Variants in MAMDC2 observed in about 807,000 individuals in gnomAD.
The protein encoded by MAMDC2 is MAM domain containing 2, also known as MAM domain-containing protein 2.
MAMDC2 carries 57 observed loss-of-function variants against 89.8 expected under a neutral mutation model. The ratio of observed to expected loss-of-function variants is 0.63; its 90% CI spans 0.51 to 0.79. The LOEUF is 0.79. Ranked by LOEUF, MAMDC2 falls within the 30% of genes least tolerant of loss-of-function variation. The pLI, the probability that MAMDC2 is intolerant of heterozygous loss-of-function variation, is 0.00. For missense variants in MAMDC2, 800 were observed against 820.6 expected (o/e 0.97, Z 0.31); for synonymous variants, 313 against 293.4 (o/e 1.07, Z -0.68).
chr9:70,050,139 C>A (rs1369882071), intron 2 of MAMDC2, among the ~76,000 whole-genome samples: 1 of 152,150 alleles, frequency 6.6e-6, no homozygotes, highest in Non-Finnish European at 1.5e-5. Context: ...CCAAACAAAG[C>A]CACAAAACAC....
chr9:70,188,523 TA>T (rs974166987), intron 11 of MAMDC2: 1 of 152,104 alleles, frequency 6.6e-6, no homozygotes, highest in Non-Finnish European at 1.5e-5. Flanking sequence ...TTAACATCTT[TA>T]AAAAATATTT....
intron 11 of MAMDC2, among the ~76,000 whole-genome samples, chr9:70,212,714 G>A (rs1439821422): frequency 1.3e-5 from 2 of 152,152 alleles, no homozygotes; most frequent in Non-Finnish European, 2.9e-5. Context: ...CTCATGCTGG[G>A]AGCTGTAGAC....
chr9:70,131,157 G>A (rs2030790544), intron 6 of MAMDC2, among the ~76,000 whole-genome samples: 2 of 152,138 alleles, frequency 1.3e-5, no homozygotes, highest in South Asian at 4.1e-4. Flanking sequence ...ATTCCAGAAG[G>A]GGCAAATGAG....
rs769502836 is a variant in MAMDC2, at chr9:70,166,302, CACAT to C, written c.1405-2398_1405-2395del. 3.0e-3 allele frequency among the ~76,000 whole-genome samples: 413 copies of C among 138,736 alleles called. 5 individuals carry two copies. Among genetic ancestry groups the C allele is most frequent in the Middle Eastern group, 0.011 (3 of 274 alleles). The allele number at this position is 138,736 out of a possible 152,430, so 91.0% of individuals were successfully genotyped here. A position where few individuals can be genotyped will look rare whatever the true frequency, so the allele number is the denominator to read the frequency against. On this transcript the variant is annotated intron_variant, in intron 9 of 13. Transcript: ENST00000377182. ...ACACACACACACACACACACACACA[CACAT>C]ATATATATATACATACACATATATA...
chr9:70,127,910 C>T (rs1014253372), intron 6 of MAMDC2, among the ~76,000 whole-genome samples: 3 of 152,124 alleles, frequency 2.0e-5, no homozygotes, highest in Non-Finnish European at 4.4e-5. Flanking sequence ...TTCTCTTTAC[C>T]AACTCCTTCC....
chr9:70,107,973 C>A (rs1828385245), intron 2 of MAMDC2, among the ~76,000 whole-genome samples: 1 of 152,172 alleles, frequency 6.6e-6, no homozygotes, highest in Admixed American at 6.5e-5. Context: ...CACATGCCAC[C>A]CTCTGAAGAG....
intron 2 of MAMDC2, among the ~76,000 whole-genome samples, chr9:70,057,939 C>A (rs1014311818): frequency 3.3e-5 from 5 of 152,076 alleles, no homozygotes; most frequent in African/African-American, 1.2e-4. Context: ...AAGGGTGATG[C>A]CTGGAATGTT....
intron 2 of MAMDC2, among the ~76,000 whole-genome samples, chr9:70,104,261 A>G (rs1341668258): frequency 1.3e-5 from 2 of 152,200 alleles, no homozygotes; most frequent in African/African-American, 2.4e-5. Flanking sequence ...ATTCACATCA[A>G]TTCACTAAAA....
intron 4 of MAMDC2, among the ~76,000 whole-genome samples, chr9:70,111,724 T>C (rs1828515831): frequency 6.6e-6 from 1 of 152,188 alleles, no homozygotes; most frequent in Non-Finnish European, 1.5e-5. Context: ...CCAGTCAAGA[T>C]CCTGGCAGGA....
intron 11 of MAMDC2, among the ~76,000 whole-genome samples, chr9:70,199,192 T>A (rs1462740534): frequency 4.5e-5 from 1 of 22,026 alleles, no homozygotes; most frequent in African/African-American, 9.5e-5. Flanking sequence ...TATCTCCCAA[T>A]GCTATCCCTC....
chr9:70,223,026 C>T (rs990430946), intron 12 of MAMDC2, among the ~76,000 whole-genome samples: 2 of 150,866 alleles, frequency 1.3e-5, no homozygotes, highest in African/African-American at 2.4e-5. Context: ...GTAGCCCCAG[C>T]TACTAAGGCG....
intron 2 of MAMDC2, among the ~76,000 whole-genome samples, chr9:70,105,687 T>G (rs1828321961): frequency 6.6e-6 from 1 of 152,204 alleles, no homozygotes; most frequent in African/African-American, 2.4e-5. Context: ...AATCTAGGTA[T>G]TTTAAATAGT....
At chr9:70,195,055 G>A (rs1163760384) in intron 11 of MAMDC2, among the ~76,000 whole-genome samples, 1 of 151,934 alleles carries the variant, frequency 6.6e-6, no homozygotes, top group Non-Finnish European at 1.5e-5. Flanking sequence ...TCTATTTTCA[G>A]GCTAATATGA....
At position 70,044,023 on chromosome 9, in the gene MAMDC2, T is replaced by C. The variant is rs1350225814; in HGVS notation, c.-175T>C. The C allele has an allele frequency of 8.5e-6, 6 of 704,826 alleles. No homozygotes were observed. Among genetic ancestry groups the C allele is most frequent in the African/African-American group, 1.8e-5 (1 of 56,116 alleles). 43.7% of individuals were successfully genotyped at this position (704,826 alleles called of 1,614,324 possible). On this transcript the variant is annotated 5_prime_UTR_variant, in exon 1 of 14. Transcript: ENST00000377182. Reference sequence around the variant, plus strand: ...AGCACCTTCCAGCATACCGCTCGGCTCCGGGAGCCGCTCTGCAAAGTTGGG... The same window carrying C: ...AGCACCTTCCAGCATACCGCTCGGCCCCGGGAGCCGCTCTGCAAAGTTGGG...
At chr9:70,166,104 G>A (rs1309483824) in intron 9 of MAMDC2, among the ~76,000 whole-genome samples, 2 of 151,972 alleles carry the variant, frequency 1.3e-5, no homozygotes, top group Non-Finnish European at 2.9e-5. Flanking sequence ...AGCCAGGCGT[G>A]GTGGCACATG....
At chr9:70,155,765 C>T (rs2031740084) in intron 9 of MAMDC2, among the ~76,000 whole-genome samples, 2 of 152,202 alleles carry the variant, frequency 1.3e-5, no homozygotes, top group South Asian at 2.1e-4. Context: ...TCCTCCAATG[C>T]TCCCTCAGCG....
chr9:70,171,785 C>T (rs1193804966), intron 11 of MAMDC2, among the ~76,000 whole-genome samples: 1 of 152,098 alleles, frequency 6.6e-6, no homozygotes, highest in African/African-American at 2.4e-5. Flanking sequence ...GAAGAATTGT[C>T]TTGGGCCACA....
rs889887423 is a variant in MAMDC2 at position 70,109,893 on chromosome 9, C to T, written c.505+89C>T. On this transcript the variant is annotated intron_variant, in intron 4 of 13. Coordinates refer to ENST00000377182, the MANE Select transcript of MAMDC2 (RefSeq NM_153267.5). ...GAGGGAACTGAATCAATCCTAAAGA[C>T]CAACTATTTTATAGAATGCACTGCA... is the stretch of plus-strand genomic sequence containing the variant. 6.2e-5 allele frequency: 65 copies of T among 1,053,034 alleles called. 2 individuals carry two copies. The Admixed American group carries it at 1.1e-3, about 18-fold the overall frequency. The allele number at this position is 1,053,034 out of a possible 1,614,324, so 65.2% of individuals were successfully genotyped here. A position where few individuals can be genotyped will look rare whatever the true frequency, so the allele number is the denominator to read the frequency against.
chr9:70,181,063 T>TGAATATGGCTAGCCAGTTTTCC (rs2032635225), intron 11 of MAMDC2, among the ~76,000 whole-genome samples: 1 of 152,242 alleles, frequency 6.6e-6, no homozygotes, highest in African/African-American at 2.4e-5. Context: ...TTCAGTTTTC[T>TGAATATGGCTAGCCAGTTTTCC]GCATATGGCT....
Sources: allele counts gnomAD v4.1 joint callset (sites outside exome capture counted in the v4.1 genomes callset), GRCh38; gene constraint gnomAD v4.1.1; transcripts MANE v1.5; gene names NCBI Gene and HGNC (gene_info 2026-07-23, HGNC 2026-07-21).